IPO11: variants seen among roughly 807,000 people sequenced by gnomAD.
The protein encoded by IPO11 is importin 11, also known as importin-11.
Under a neutral mutation model 143.2 loss-of-function variants are expected in IPO11, and 66 were observed. The ratio of observed to expected loss-of-function variants is 0.46; its 90% CI spans 0.38 to 0.57. The LOEUF is 0.57. Among genes scored for constraint, IPO11 ranks in the 20% least tolerant of loss-of-function variants. IPO11 has a pLI of 0.00. For missense variants in IPO11, 1,026 were observed against 1,141.0 expected, an observed-to-expected ratio of 0.90 and a Z score of 1.45; for synonymous variants, 385 against 377.8, an observed-to-expected ratio of 1.02 and a Z score of -0.22.
intron 2 of IPO11, among the ~76,000 whole-genome samples, chr5:62,438,839 C>T (rs1744337024): frequency 6.6e-6 from 1 of 152,008 alleles, no homozygotes; most frequent in Non-Finnish European, 1.5e-5. Context: ...GCGGGCGAAT[C>T]ACGTGACCAG....
At chr5:62,534,714 G>A (rs1193404588) in intron 22 of IPO11, among the ~76,000 whole-genome samples, 1 of 152,098 alleles carries the variant, frequency 6.6e-6, no homozygotes, top group African/African-American at 2.4e-5. Context: ...CCTTTGCATT[G>A]AAGGATGTTT....
chr5:62,476,146 C>T (rs1745949942), intron 8 of IPO11, among the ~76,000 whole-genome samples: 3 of 151,930 alleles, frequency 2.0e-5, no homozygotes, highest in African/African-American at 7.3e-5. Context: ...TCCTTGTGGG[C>T]GTAGCAGAAG....
intron 3 of IPO11, among the ~76,000 whole-genome samples, chr5:62,446,985 A>G (rs1744740689): frequency 6.6e-6 from 1 of 151,860 alleles, no homozygotes; most frequent in African/African-American, 2.4e-5. Flanking sequence ...AAAAAAATCA[A>G]CTTTGTGACT....
intron 29 of IPO11, among the ~76,000 whole-genome samples, chr5:62,626,698 GAATTTAA>G (rs546809786): frequency 6.6e-6 from 1 of 150,940 alleles, no homozygotes; most frequent in South Asian, 2.1e-4. Context: ...GCATATACAG[GAATTTAA>G]ATAGTATTGC....
At chr5:62,496,527 GTGT>G (rs1182792925) in intron 16 of IPO11, among the ~76,000 whole-genome samples, 1 of 152,108 alleles carries the variant, frequency 6.6e-6, no homozygotes, top group East Asian at 1.9e-4. Context: ...TTAGTGGTTA[GTGT>G]TGTAAACCTT....
At chr5:62,471,086 C>T (rs917334987) in intron 7 of IPO11, among the ~76,000 whole-genome samples, 6 of 151,026 alleles carry the variant, frequency 4.0e-5, no homozygotes, top group East Asian at 1.9e-4. Context: ...TTTTGGCTTC[C>T]GAAAGTGCTG....
At chr5:62,549,792 T>A (rs1199837360) in intron 24 of IPO11, among the ~76,000 whole-genome samples, 1 of 152,214 alleles carries the variant, frequency 6.6e-6, no homozygotes, top group East Asian at 1.9e-4. Flanking sequence ...TCAAAATAAT[T>A]TTTAGTCAAG....
At chr5:62,440,819 C>G (rs1328854911) in intron 2 of IPO11, among the ~76,000 whole-genome samples, 1 of 151,726 alleles carries the variant, frequency 6.6e-6, no homozygotes, top group African/African-American at 2.4e-5. Context: ...AAAAATTAGC[C>G]GGGAGTGGTG....
At chr5:62,571,286 G>A (rs1032653667) in intron 27 of IPO11, among the ~76,000 whole-genome samples, 8 of 152,180 alleles carry the variant, frequency 5.3e-5, no homozygotes, top group African/African-American at 1.7e-4. Flanking sequence ...AGCTTCAGAT[G>A]CCTGGTCTGC....
chr5:62,451,858 A>G lies in IPO11; in HGVS notation c.441A>G (p.Ala147=). The change falls in exon 5 of 30, where the codon GCA becomes GCG. Residue 147 remains alanine, a synonymous_variant. Transcript: ENST00000325324. ...AGGATGATCTTCGACAGCACAGAGC[A>G]TTACTTACCTTCTATCATGTTACCA... The part of the protein sequence containing the change: ...KVQDDLRQHR[A]LLTFYHVTKT... 6.2e-7 allele frequency: 1 copy of G among 1,614,080 alleles called. No homozygotes were observed. The highest frequency in any genetic ancestry group is 8.5e-7 in the Non-Finnish European group (1 of 1,179,892).
chr5:62,551,184 A>G (rs1001120481), intron 25 of IPO11, 39 bp from the exon 26 acceptor site: 20 of 1,134,386 alleles, frequency 1.8e-5, no homozygotes, highest in Non-Finnish European at 2.6e-5. Flanking sequence ...TACTTGTACC[A>G]TAACACAATT....
chr5:62,592,032 T>C (rs974955507), intron 28 of IPO11, among the ~76,000 whole-genome samples: 4 of 152,132 alleles, frequency 2.6e-5, no homozygotes, highest in African/African-American at 9.7e-5. Flanking sequence ...GTATTTTTAG[T>C]AGAGACGGGG....
intron 21 of IPO11, among the ~76,000 whole-genome samples, chr5:62,527,312 G>A (rs912416012): frequency 2.6e-5 from 4 of 152,036 alleles, no homozygotes; most frequent in African/African-American, 9.7e-5. Context: ...AAATATTTTG[G>A]GCTTTCTAAG....
At chr5:62,618,834 C>G (rs1031716191) in intron 29 of IPO11, among the ~76,000 whole-genome samples, 4 of 152,168 alleles carry the variant, frequency 2.6e-5, no homozygotes, top group South Asian at 2.1e-4. Flanking sequence ...CTCCTTCCCC[C>G]CAAAAGCCCC....
chr5:62,595,806 G>T (rs1398344233), intron 28 of IPO11, among the ~76,000 whole-genome samples: 2 of 152,000 alleles, frequency 1.3e-5, no homozygotes, highest in African/African-American at 4.8e-5. Context: ...ATTAAGCCAA[G>T]AAAATACATT....
At chr5:62,504,645 C>CT in intron 16 of IPO11, 22 bp from the exon 17 acceptor site, 1 of 1,364,724 alleles carries the variant, frequency 7.3e-7, no homozygotes, top group Non-Finnish European at 1.0e-6. Context: ...TAATTAAAAA[C>CT]TAATGATATA....
At chr5:62,413,506 T>C (rs1157121739) in intron 1 of IPO11, 2 of 152,206 alleles carry the variant, frequency 1.3e-5, no homozygotes, top group Non-Finnish European at 2.9e-5. Flanking sequence ...GTATTTGTGA[T>C]TCAGCAAAAC....
At chr5:62,542,200 A>G (rs1742977883) in intron 24 of IPO11, among the ~76,000 whole-genome samples, 1 of 152,032 alleles carries the variant, frequency 6.6e-6, no homozygotes, top group Non-Finnish European at 1.5e-5. Flanking sequence ...ATCTGATAGT[A>G]TGTGTTTAAG....
At chr5:62,595,950 G>A (rs1026597905) in intron 28 of IPO11, among the ~76,000 whole-genome samples, 1 of 151,740 alleles carries the variant, frequency 6.6e-6, no homozygotes, top group Non-Finnish European at 1.5e-5. Context: ...CAAGGTTTGG[G>A]AAGTAAAAAG....
Sources: allele counts gnomAD v4.1 joint callset (sites outside exome capture counted in the v4.1 genomes callset), GRCh38; gene constraint gnomAD v4.1.1; transcripts MANE v1.5; gene names NCBI Gene and HGNC (gene_info 2026-07-23, HGNC 2026-07-21).